The following METTL8 variants were observed in gnomAD, a reference collection of about 807,000 sequenced individuals.
METTL8 encodes the protein tRNA N(3)-cytidine methyltransferase METTL8, mitochondrial.
A neutral mutation model predicts 48.7 loss-of-function variants in METTL8; 32 were observed. The observed-to-expected ratio is 0.66, with a 90% CI of 0.50 to 0.88. The LOEUF (loss-of-function observed/expected upper bound fraction) is 0.88, where lower values mean the gene tolerates loss of function less well. Among genes scored for constraint, METTL8 ranks in the 40% least tolerant of loss-of-function variants. The pLI is 0.00. For synonymous variants in METTL8, 136 were observed against 157.1 expected (o/e 0.87, Z 1.01); for missense variants, 464 against 474.4 (o/e 0.98, Z 0.20).
chr2:171,380,186 T>C (rs936949205), intron 2 of METTL8, among the ~76,000 whole-genome samples: 1 of 152,128 alleles, frequency 6.6e-6, no homozygotes, highest in Non-Finnish European at 1.5e-5. Context: ...AGGCCTTCAA[T>C]AAAATTCAAC....
chr2:171,355,699 TTG>T (rs1684457426), intron 3 of METTL8, among the ~76,000 whole-genome samples: 1 of 152,074 alleles, frequency 6.6e-6, no homozygotes, highest in Non-Finnish European at 1.5e-5. Flanking sequence ...CGCTGCCACC[TTG>T]CAGTTCGATC....
chr2:171,395,380 T>C (rs1688958060), intron 1 of METTL8, among the ~76,000 whole-genome samples: 1 of 151,986 alleles, frequency 6.6e-6, no homozygotes, highest in Admixed American at 6.6e-5. Flanking sequence ...TTACAATAAA[T>C]ATAAATGGGC....
chr2:171,426,597 T>C (rs1471053421), intron 1 of METTL8, among the ~76,000 whole-genome samples: 6 of 152,190 alleles, frequency 3.9e-5, no homozygotes, highest in Non-Finnish European at 8.8e-5. Flanking sequence ...AATAAGAGGG[T>C]GAGTCTGCGA....
At chr2:171,385,596 C>T (rs1687968247) in intron 2 of METTL8, among the ~76,000 whole-genome samples, 1 of 152,226 alleles carries the variant, frequency 6.6e-6, no homozygotes, top group Non-Finnish European at 1.5e-5. Flanking sequence ...CAGTATGTAT[C>T]TGTGTTGGTA....
intron 3 of METTL8, among the ~76,000 whole-genome samples, chr2:171,349,360 T>A (rs926779452): frequency 6.6e-6 from 1 of 152,174 alleles, no homozygotes; most frequent in Admixed American, 6.6e-5. Flanking sequence ...ACCACCATTT[T>A]TCGTTCTATG....
intron 1 of METTL8, among the ~76,000 whole-genome samples, chr2:171,422,341 T>G (rs185457394): frequency 2.6e-4 from 40 of 152,288 alleles, no homozygotes; most frequent in Non-Finnish European, 4.9e-4. Context: ...TCAAATCAAT[T>G]TCATCACTGA....
chr2:171,422,571 G>A (rs1482206603), intron 1 of METTL8, among the ~76,000 whole-genome samples: 1 of 152,126 alleles, frequency 6.6e-6, no homozygotes, highest in Non-Finnish European at 1.5e-5. Context: ...ATATTATGAT[G>A]AAGAATTGTT....
At chr2:171,351,924 C>A (rs1210660789) in intron 3 of METTL8, among the ~76,000 whole-genome samples, 1 of 152,160 alleles carries the variant, frequency 6.6e-6, no homozygotes, top group Non-Finnish European at 1.5e-5. Context: ...GAAAATTTGA[C>A]TTTCTCTTTT....
intron 1 of METTL8, among the ~76,000 whole-genome samples, chr2:171,425,442 C>G (rs946505481): frequency 1.3e-5 from 2 of 152,188 alleles, no homozygotes; most frequent in African/African-American, 4.8e-5. Context: ...AAGACCTCAT[C>G]TTAGCAGAGG....
chr2:171,354,863 A>T (rs1031437850), intron 3 of METTL8, among the ~76,000 whole-genome samples: 1 of 151,366 alleles, frequency 6.6e-6, no homozygotes, highest in Admixed American at 6.6e-5. Flanking sequence ...CATTTGTCTA[A>T]TTTTTTTTTC....
intron 1 of METTL8, among the ~76,000 whole-genome samples, chr2:171,411,704 A>T (rs947865358): frequency 2.0e-5 from 3 of 152,248 alleles, no homozygotes; most frequent in Non-Finnish European, 4.4e-5. Flanking sequence ...TGAAAAATTA[A>T]ATCTTTATTA....
intron 9 of METTL8, among the ~76,000 whole-genome samples, chr2:171,325,597 A>G (rs980321684): frequency 6.6e-6 from 1 of 152,018 alleles, no homozygotes; most frequent in South Asian, 2.1e-4. Context: ...AACAGCCTTC[A>G]CCTTCATCTG....
At chr2:171,341,420 G>A (rs899379163) in intron 3 of METTL8, among the ~76,000 whole-genome samples, 2 of 151,450 alleles carry the variant, frequency 1.3e-5, no homozygotes, top group African/African-American at 2.4e-5. Flanking sequence ...TATATTTTTA[G>A]TAGAGACAGG....
intron 1 of METTL8, among the ~76,000 whole-genome samples, chr2:171,408,084 GTTGTAC>G (rs1223234212): frequency 2.0e-5 from 3 of 152,118 alleles, no homozygotes; most frequent in South Asian, 2.1e-4. Flanking sequence ...TGGTTTTGTG[GTTGTAC>G]TTGTACTTAT....
intron 3 of METTL8, among the ~76,000 whole-genome samples, chr2:171,340,920 T>C (rs1686682575): frequency 6.6e-6 from 1 of 152,238 alleles, no homozygotes; most frequent in Non-Finnish European, 1.5e-5. Flanking sequence ...AAATTTCTGA[T>C]GCTCTTAAAA....
intron 3 of METTL8, among the ~76,000 whole-genome samples, chr2:171,356,952 A>ATGTTTTTTTTTTGTTTTTTTTTT: frequency 1.3e-5 from 1 of 78,468 alleles, no homozygotes; most frequent in Non-Finnish European, 2.4e-5. Flanking sequence ...CAAAGACAAT[A>ATGTTTTTTTTTTGTTTTTTTTTT]TTTTTTTTTT....
intron 7 of METTL8, 132 bp from the exon 8 acceptor site, chr2:171,326,280 G>A (rs1034930521): frequency 1.6e-5 from 9 of 553,920 alleles, no homozygotes; most frequent in South Asian, 8.8e-5. Flanking sequence ...AAACATAAGG[G>A]TAACAAAAAT....
At chr2:171,412,303 A>G (rs1175011530) in intron 1 of METTL8, among the ~76,000 whole-genome samples, 1 of 152,150 alleles carries the variant, frequency 6.6e-6, no homozygotes, top group African/African-American at 2.4e-5. Context: ...CATCACACAG[A>G]CATGGCAACA....
intron 2 of METTL8, among the ~76,000 whole-genome samples, chr2:171,370,429 T>C (rs1686201541): frequency 6.6e-6 from 1 of 152,224 alleles, no homozygotes; most frequent in South Asian, 2.1e-4. Context: ...TTAGCCCTGA[T>C]GTATGGCAGT....
Sources: gnomAD v4.1 joint callset for allele counts (sites outside exome capture counted in the v4.1 genomes callset) on GRCh38, gnomAD v4.1.1 for gene constraint, MANE v1.5 for transcripts, NCBI Gene and HGNC (gene_info 2026-07-23, HGNC 2026-07-21) for gene names.